The following ABLIM2 variants were observed in gnomAD, a reference collection of about 807,000 sequenced individuals.
ABLIM2 encodes actin binding LIM protein family member 2.
In ABLIM2, 53 loss-of-function variants were observed where a neutral mutation model predicts 97.7. That is an observed-to-expected ratio of 0.54 (90% CI 0.44 to 0.68). ABLIM2 has a LOEUF of 0.68. Ranked by LOEUF, ABLIM2 falls within the 30% of genes least tolerant of loss-of-function variation. The pLI is 0.00. For synonymous variants in ABLIM2, 361 were observed against 345.8 expected (o/e 1.04, Z -0.49); for missense variants, 835 against 867.2 (o/e 0.96, Z 0.47).
rs34054806 is a variant in ABLIM2 at position 8,155,767 on chromosome 4, A to G, written c.10+2913T>C. On this transcript the variant is annotated intron_variant, in intron 1 of 20. Coordinates refer to ENST00000447017, the MANE Select transcript of ABLIM2 (RefSeq NM_001130083.2). This position sits in a 1 kb window ranked among gnomAD's most constrained non-coding sequence, Gnocchi z 4.2. ...CAGACACACACAAAGGGAAGACGGG[A>G]CGAGGACACAGACACACACAAAGGG... Among the ~76,000 whole-genome samples the G allele has an allele frequency of 0.23, 24,711 of 108,370 alleles. 5,422 individuals carry two copies. Among genetic ancestry groups the G allele is most frequent in the East Asian group, 0.32 (1,139 of 3,510 alleles). The allele number at this position is 108,370 out of a possible 152,430, so 71.1% of individuals were successfully genotyped here. A position where few individuals can be genotyped will look rare whatever the true frequency, so the allele number is the denominator to read the frequency against.
rs1410263228 is a variant in ABLIM2 at position 8,112,950 on chromosome 4, A to G, written c.11-6313T>C. Among the ~76,000 whole-genome samples, 1 of 152,200 alleles carries G rather than the reference A, an allele frequency of 6.6e-6. No individual in the cohort carries two copies. The highest frequency in any genetic ancestry group is 2.4e-5 in the African/African-American group (1 of 41,432). ...TACTGGGGAGAGAGGTGTGCCATTCAGCACCACACCAGCGTGACAGGCACA... is the reference window on the plus strand; with the variant it reads ...TACTGGGGAGAGAGGTGTGCCATTCGGCACCACACCAGCGTGACAGGCACA... On this transcript the variant is annotated intron_variant, in intron 1 of 20. Coordinates refer to ENST00000447017, the MANE Select transcript of ABLIM2 (RefSeq NM_001130083.2). The surrounding 1 kb of genome is among the most constrained non-coding windows in gnomAD (Gnocchi z 4.2).
intron 12 of ABLIM2, among the ~76,000 whole-genome samples, chr4:8,026,531 C>T (rs973344924): frequency 2.0e-5 from 3 of 152,268 alleles, no homozygotes; most frequent in East Asian, 1.9e-4. Context: ...CACCTTCTCG[C>T]TGCCTGCGGC....
At chr4:8,094,724 A>G (rs1314155088) in intron 3 of ABLIM2, among the ~76,000 whole-genome samples, 2 of 152,210 alleles carry the variant, frequency 1.3e-5, no homozygotes, top group African/African-American at 4.8e-5. Flanking sequence ...TTGGAGGCAG[A>G]AATTGGGCAT....
intron 2 of ABLIM2, among the ~76,000 whole-genome samples, chr4:8,098,826 C>G (rs1833023445): frequency 6.6e-6 from 1 of 152,212 alleles, no homozygotes; most frequent in Non-Finnish European, 1.5e-5. Context: ...TCCTGCCTGG[C>G]TCAGTGTCGA....
intron 6 of ABLIM2, among the ~76,000 whole-genome samples, chr4:8,062,204 G>A (rs974490300): frequency 6.6e-6 from 1 of 152,118 alleles, no homozygotes; most frequent in African/African-American, 2.4e-5. Flanking sequence ...CCCCAATCTG[G>A]GCATTCACAG....
At chr4:8,065,388 G>A (rs1232525165) in intron 6 of ABLIM2, among the ~76,000 whole-genome samples, 1 of 152,146 alleles carries the variant, frequency 6.6e-6, no homozygotes, top group Non-Finnish European at 1.5e-5. Context: ...AAAACCATAG[G>A]AGACACCACT....
At chr4:8,086,930 G>C (rs529448627) in intron 4 of ABLIM2, among the ~76,000 whole-genome samples, 20 of 152,090 alleles carry the variant, frequency 1.3e-4, no homozygotes, top group Admixed American at 2.0e-4. Context: ...CCGACCCGGT[G>C]GGGCTGTGAA....
At chr4:8,065,543 T>C (rs978178442) in intron 6 of ABLIM2, among the ~76,000 whole-genome samples, 2 of 152,084 alleles carry the variant, frequency 1.3e-5, no homozygotes, top group African/African-American at 4.8e-5. Flanking sequence ...AGTGTATTGG[T>C]TTTTCAAGAA....
chr4:8,029,569 T>G, intron 11 of ABLIM2, 87 bp downstream of exon 11: 1 of 1,211,270 alleles, frequency 8.3e-7, no homozygotes, highest in Non-Finnish European at 1.0e-6. Context: ...ATGCCACTTA[T>G]AACCGAAAAA....
intron 2 of ABLIM2, among the ~76,000 whole-genome samples, chr4:8,099,717 C>T (rs1424727477): frequency 1.3e-5 from 2 of 152,068 alleles, no homozygotes; most frequent in African/African-American, 4.8e-5. Flanking sequence ...TGGTGGCGGG[C>T]GCCTGTAGTC....
intron 3 of ABLIM2, among the ~76,000 whole-genome samples, chr4:8,090,024 T>G (rs531362857): frequency 5.1e-4 from 78 of 152,310 alleles, no homozygotes; most frequent in African/African-American, 1.7e-3. Flanking sequence ...TCCAGTACCC[T>G]CGGTCCATGC....
intron 14 of ABLIM2, among the ~76,000 whole-genome samples, chr4:8,011,914 AATTC>A (rs1334924524): frequency 6.6e-6 from 1 of 152,108 alleles, no homozygotes; most frequent in Admixed American, 6.5e-5. Flanking sequence ...CCCATCTTAT[AATTC>A]ATTCATATCT....
At chr4:8,145,270 G>A (rs1412930417) in intron 1 of ABLIM2, among the ~76,000 whole-genome samples, 1 of 151,012 alleles carries the variant, frequency 6.6e-6, no homozygotes, top group Non-Finnish European at 1.5e-5. Flanking sequence ...TGCAATCTTC[G>A]CCTCCCAGAT....
chr4:7,997,175 G>A (rs1200309974), intron 16 of ABLIM2, among the ~76,000 whole-genome samples: 3 of 152,084 alleles, frequency 2.0e-5, no homozygotes, highest in Non-Finnish European at 2.9e-5. Flanking sequence ...AGGTTCAAGC[G>A]ATTCTCCTGC....
chr4:8,145,522 T>C (rs938000922), intron 1 of ABLIM2, among the ~76,000 whole-genome samples: 6 of 152,082 alleles, frequency 3.9e-5, no homozygotes, highest in African/African-American at 1.4e-4. Flanking sequence ...TCACTCCCTT[T>C]GGATCCCACT....
Position 8,140,789 on chromosome 4 carries a change from G to C in ABLIM2, c.10+17891C>G, listed in dbSNP as rs1442254080. Among the ~76,000 whole-genome samples the C allele has an allele frequency of 1.3e-5, 2 of 152,176 alleles. No individual in the cohort carries two copies. The highest frequency in any genetic ancestry group is 2.4e-5 in the African/African-American group (1 of 41,432). ...GAAAGGGCTGACGATATTCAGAAAA[G>C]AGTGCATTTACCCCAGCTCCTGAGT... On this transcript the variant is annotated intron_variant, in intron 1 of 20. Coordinates refer to ENST00000447017, the MANE Select transcript of ABLIM2 (RefSeq NM_001130083.2). The surrounding 1 kb of genome is among the most constrained non-coding windows in gnomAD (Gnocchi z 5.9).
In ABLIM2 at chr4:8,040,226, C is replaced by T. The variant is rs375560859; in HGVS notation, c.901-3931G>A. 1.1e-3 allele frequency among the ~76,000 whole-genome samples: 164 copies of T among 152,306 alleles called. 1 individual carries two copies. The highest frequency in any genetic ancestry group is 3.8e-3 in the African/African-American group (157 of 41,574). On this transcript the variant is annotated intron_variant, in intron 9 of 20. Transcript: ENST00000447017. ...CAAAGCACCCGACGGGGACATGGAA[C>T]GGCCCCTTTCTGAGACCGTGGGGGT...
intron 1 of ABLIM2, among the ~76,000 whole-genome samples, chr4:8,117,543 T>C (rs960685597): frequency 2.7e-5 from 4 of 150,514 alleles, no homozygotes; most frequent in African/African-American, 9.8e-5. Flanking sequence ...CTACTAAGAC[T>C]CCACCCACCA....
At chr4:8,028,136 C>A (rs185933904) in intron 11 of ABLIM2, among the ~76,000 whole-genome samples, 1 of 152,328 alleles carries the variant, frequency 6.6e-6, no homozygotes, top group African/African-American at 2.4e-5. Context: ...CCAGGCCTGT[C>A]GCTTAGCATT....
Sources: allele counts gnomAD v4.1 joint callset (sites outside exome capture counted in the v4.1 genomes callset), GRCh38; gene constraint gnomAD v4.1.1; non-coding constraint Gnocchi (gnomAD v3.1); transcripts MANE v1.5; gene names NCBI Gene and HGNC (gene_info 2026-07-23, HGNC 2026-07-21).